Variants in CUEDC1 observed in about 807,000 individuals in gnomAD.
The protein encoded by CUEDC1 is CUE domain-containing protein 1.
CUEDC1 carries 30 observed loss-of-function variants against 43.7 expected under a neutral mutation model. The observed-to-expected ratio is 0.69, with a 90% CI of 0.51 to 0.93. The LOEUF (loss-of-function observed/expected upper bound fraction) is 0.93. CUEDC1 is among the 40% of genes least tolerant of loss of function. The pLI is 0.00. For missense variants in CUEDC1, 486 were observed against 549.0 expected (o/e 0.89, Z 1.15); for synonymous variants, 223 against 223.6 (o/e 1.00, Z 0.02).
intron 6 of CUEDC1, 52 bp from the exon 7 acceptor site, chr17:57,869,245 T>C (rs772649310): frequency 6.6e-7 from 1 of 1,511,840 alleles, no homozygotes; most frequent in Non-Finnish European, 9.2e-7. Context: ...CCATGGCCGC[T>C]GTCCCAGCCC....
chr17:57,940,253 TAA>T (rs57921791), intron 1 of CUEDC1, among the ~76,000 whole-genome samples: 1,944 of 139,110 alleles, frequency 0.014, 44 homozygotes, highest in African/African-American at 0.048. Context: ...TGTCAGTGTT[TAA>T]AAAAAAAAAA....
At chr17:57,887,655 C>CTTTTGTTTTTT (rs2074308205) in intron 1 of CUEDC1, among the ~76,000 whole-genome samples, 1 of 58,030 alleles carries the variant, frequency 1.7e-5, no homozygotes, top group Non-Finnish European at 2.9e-5. Flanking sequence ...CCACGCCTGG[C>CTTTTGTTTTTT]TTTTTTTTTT....
At chr17:57,911,925 A>G (rs988377288) in intron 1 of CUEDC1, among the ~76,000 whole-genome samples, 4 of 152,250 alleles carry the variant, frequency 2.6e-5, no homozygotes, top group African/African-American at 9.6e-5. Flanking sequence ...CACCCCAGTG[A>G]CATTCACAAA....
chr17:57,921,980 G>A lies in CUEDC1; in HGVS notation c.-316+33245C>T, dbSNP rs2074702767. Among the ~76,000 whole-genome samples the A allele has an allele frequency of 2.6e-5, 4 of 152,290 alleles. No individual in the cohort carries two copies. In the South Asian group the frequency reaches 6.2e-4, roughly 24 times the overall value. On this transcript the variant is annotated intron_variant, in intron 1 of 10. Transcript: ENST00000577830. ...ATACAAAAATTAGCCAGGCATGGTG[G>A]CACGTGCCTGTAGTTCCAGCTATTC...
intron 10 of CUEDC1, among the ~76,000 whole-genome samples, chr17:57,865,266 T>C (rs1715885097): frequency 6.6e-6 from 1 of 152,132 alleles, no homozygotes; most frequent in South Asian, 2.1e-4. Context: ...GCTTTGTGTT[T>C]GAGGAAAGCC....
chr17:57,894,859 A>G (rs552716077), intron 1 of CUEDC1, among the ~76,000 whole-genome samples: 2 of 152,278 alleles, frequency 1.3e-5, no homozygotes, highest in Admixed American at 1.3e-4. Flanking sequence ...CTCAGTCCTA[A>G]GGACATCATC....
At chr17:57,896,900 G>C (rs1021137216) in intron 1 of CUEDC1, among the ~76,000 whole-genome samples, 4 of 150,570 alleles carry the variant, frequency 2.7e-5, no homozygotes, top group African/African-American at 9.8e-5. Flanking sequence ...CTCCAGAGTA[G>C]CTGAGACTAC....
At chr17:57,915,958 A>G (rs961581240) in intron 1 of CUEDC1, among the ~76,000 whole-genome samples, 1 of 152,220 alleles carries the variant, frequency 6.6e-6, no homozygotes, top group Non-Finnish European at 1.5e-5. Context: ...TTCACCATAG[A>G]ACAATCATAT....
chr17:57,889,082 G>A (rs1034432180), intron 1 of CUEDC1, among the ~76,000 whole-genome samples: 1 of 152,178 alleles, frequency 6.6e-6, no homozygotes, highest in African/African-American at 2.4e-5. Flanking sequence ...GTTCAGACAA[G>A]GCCTCCGCAC....
chr17:57,912,197 C>T (rs2074590785), intron 1 of CUEDC1: 1 of 152,246 alleles, frequency 6.6e-6, no homozygotes, highest in Non-Finnish European at 1.5e-5. Flanking sequence ...TGCCTGCCAA[C>T]AAGCACACAC....
In CUEDC1 at chr17:57,930,063, A is replaced by G. The variant is rs979346682; in HGVS notation, c.-316+25162T>C. Among the ~76,000 whole-genome samples the G allele has an allele frequency of 2.6e-5, 4 of 152,118 alleles. No homozygotes were observed. Among genetic ancestry groups the G allele is most frequent in the Non-Finnish European group, 1.5e-5 (1 of 68,012 alleles). On this transcript the variant is annotated intron_variant, in intron 1 of 10. Transcript: ENST00000577830. This position sits in a 1 kb window ranked among gnomAD's most constrained non-coding sequence, Gnocchi z 4.2. Reference sequence around the variant, plus strand: ...GGTGATCCACCCGCCTCGGCCTCCCAAAGTGCTGGGATTACAGGCGTGAGC... The same window carrying G: ...GGTGATCCACCCGCCTCGGCCTCCCGAAGTGCTGGGATTACAGGCGTGAGC...
Position 57,896,771 on chromosome 17 carries a change from T to C in CUEDC1, c.-315-10892A>G, listed in dbSNP as rs189693441. 9.6e-3 allele frequency among the ~76,000 whole-genome samples: 1,336 copies of C among 139,166 alleles called. 14 individuals carry two copies. The highest frequency in any genetic ancestry group is 0.033 in the African/African-American group (1,230 of 37,188). The allele number at this position is 139,166 out of a possible 152,430, so 91.3% of individuals were successfully genotyped here. On this transcript the variant is annotated intron_variant, in intron 1 of 10. Transcript: ENST00000577830. ...TTTTATATCTTTTTCTTCTTTCTTT[T>C]TTTTTTTTTTTTTTTTTGAGATGGA...
Position 57,930,859 on chromosome 17 carries a change from T to A in CUEDC1, c.-316+24366A>T, listed in dbSNP as rs1382848724. 6.6e-6 allele frequency among the ~76,000 whole-genome samples: 1 copy of A among 152,104 alleles called. No individual in the cohort carries two copies. Among genetic ancestry groups the A allele is most frequent in the Non-Finnish European group, 1.5e-5 (1 of 68,022 alleles). ...ACTCCAAAGGGGAAATGGTCCCCAT[T>A]TCCTGCAGGTAACCTTCTCATGACC... On this transcript the variant is annotated intron_variant, in intron 1 of 10. Coordinates refer to ENST00000577830, the MANE Select transcript of CUEDC1 (RefSeq NM_001271875.2). This position sits in a 1 kb window ranked among gnomAD's most constrained non-coding sequence, Gnocchi z 4.2.
At chr17:57,948,487 T>C (rs781349478) in intron 1 of CUEDC1, among the ~76,000 whole-genome samples, 1 of 152,182 alleles carries the variant, frequency 6.6e-6, no homozygotes. Flanking sequence ...AGCTGCTCAG[T>C]GTTATCGGGC....
chr17:57,944,762 C>T lies in CUEDC1; in HGVS notation c.-316+10463G>A, dbSNP rs549156327. Among the ~76,000 whole-genome samples, 5 of 152,346 alleles carry T rather than the reference C, an allele frequency of 3.3e-5. No individual in the cohort carries two copies. The South Asian group carries it at 1.0e-3, about 32-fold the overall frequency. ...CACATTTCACACTTTAACACACTGTCTCCTTCAGGCATGGAGATTTGAGAA... is the reference window on the plus strand; with the variant it reads ...CACATTTCACACTTTAACACACTGTTTCCTTCAGGCATGGAGATTTGAGAA... On this transcript the variant is annotated intron_variant, in intron 1 of 10. Transcript: ENST00000577830.
chr17:57,905,687 G>T (rs2074523858), intron 1 of CUEDC1, among the ~76,000 whole-genome samples: 1 of 152,190 alleles, frequency 6.6e-6, no homozygotes, highest in Non-Finnish European at 1.5e-5. Flanking sequence ...ACACCTTCCA[G>T]TGCCAAATAG....
At chr17:57,925,391 G>A (rs773200177) in intron 1 of CUEDC1, among the ~76,000 whole-genome samples, 13 of 152,048 alleles carry the variant, frequency 8.5e-5, no homozygotes, top group Non-Finnish European at 1.5e-4. Context: ...AGAGGCCCTC[G>A]GGCTCTGCTG....
chr17:57,887,110 C>A (rs2074300715), intron 1 of CUEDC1, among the ~76,000 whole-genome samples: 2 of 152,088 alleles, frequency 1.3e-5, no homozygotes, highest in Non-Finnish European at 2.9e-5. Context: ...CGTGAGCCAC[C>A]GTGCCCGGCC....
In CUEDC1 at chr17:57,879,692, G is replaced by C. The variant is rs2082559788; in HGVS notation, c.383C>G (p.Pro128Arg). Residue 128 changes from proline (P) to arginine (R), a missense_variant, in exon 3 of 11, where the codon CCA (proline) becomes CGA (arginine). By Grantham distance (103) the Pro-to-Arg change is moderately radical. Transcript: ENST00000577830. ...LEPDSSDEEP[P>R]PVYSPPAYHM... ...GTAGGCTGGCGGGGAGTACACAGGT[G>C]GGGGCTCTTCATCCGAGCTATCAGG... The C allele has an allele frequency of 9.4e-6, 15 of 1,602,418 alleles. No homozygotes were observed. Among genetic ancestry groups the C allele is most frequent in the Non-Finnish European group, 1.2e-5 (14 of 1,175,776 alleles).
Sources: allele counts gnomAD v4.1 joint callset (sites outside exome capture counted in the v4.1 genomes callset), GRCh38; gene constraint gnomAD v4.1.1; non-coding constraint Gnocchi (gnomAD v3.1); transcripts MANE v1.5; gene names NCBI Gene and HGNC (gene_info 2026-07-23, HGNC 2026-07-21).